Variants in PCBP3 observed in about 807,000 individuals in gnomAD.
The protein encoded by PCBP3 is poly(rC)-binding protein 3.
PCBP3 carries 25 observed loss-of-function variants against 52.7 expected under a neutral mutation model. The observed-to-expected ratio is 0.47, with a 90% CI of 0.35 to 0.66. The LOEUF (loss-of-function observed/expected upper bound fraction) is 0.66, where lower values mean the gene tolerates loss of function less well. Among genes scored for constraint, PCBP3 ranks in the 30% least tolerant of loss-of-function variants. The pLI is 0.01. For missense variants in PCBP3, 391 were observed against 490.3 expected (o/e 0.80, Z 1.91); for synonymous variants, 162 against 183.0 (o/e 0.89, Z 0.93).
intron 2 of PCBP3, among the ~76,000 whole-genome samples, chr21:45,679,835 A>G (rs1451068014): frequency 6.6e-6 from 1 of 152,202 alleles, no homozygotes; most frequent in African/African-American, 2.4e-5. Context: ...TTTACATTTT[A>G]TATTTGAGTG....
chr21:45,881,291 A>G (rs185557141), intron 5 of PCBP3, among the ~76,000 whole-genome samples: 8 of 152,304 alleles, frequency 5.3e-5, no homozygotes, highest in Admixed American at 3.9e-4. Context: ...CTTGTGGTAT[A>G]TTGCTGAATT....
chr21:45,815,098 TGAGTGGTGAGTGGTG>T (rs2092852591), intron 4 of PCBP3, among the ~76,000 whole-genome samples: 1 of 256 alleles, frequency 3.9e-3, no homozygotes, highest in Non-Finnish European at 0.011. Context: ...GAGTGATGAG[TGAGTGGTGAGTGGTG>T]AGTGAGTGGT....
intron 2 of PCBP3, among the ~76,000 whole-genome samples, chr21:45,683,509 CAG>C (rs966150435): frequency 1.3e-5 from 2 of 152,110 alleles, no homozygotes; most frequent in Admixed American, 6.5e-5. Flanking sequence ...TGGATTGTAA[CAG>C]GAGATCATAG....
chr21:45,700,811 G>A (rs1325911180), intron 2 of PCBP3, among the ~76,000 whole-genome samples: 3 of 152,156 alleles, frequency 2.0e-5, no homozygotes, highest in Non-Finnish European at 4.4e-5. Context: ...TCTGTAGAGA[G>A]CTGCTGTGGC....
At chr21:45,681,733 T>C (rs1486547492) in intron 2 of PCBP3, among the ~76,000 whole-genome samples, 1 of 152,202 alleles carries the variant, frequency 6.6e-6, no homozygotes. Context: ...ATGTCTTTTT[T>C]GGTTTTGGTG....
At chr21:45,747,509 C>T (rs573166343) in intron 3 of PCBP3, among the ~76,000 whole-genome samples, 5 of 152,324 alleles carry the variant, frequency 3.3e-5, no homozygotes, top group South Asian at 2.1e-4. Flanking sequence ...GACAGTGGGG[C>T]GGTTCCAGCC....
chr21:45,740,411 G>A (rs1478665665), intron 3 of PCBP3, among the ~76,000 whole-genome samples: 1 of 152,206 alleles, frequency 6.6e-6, no homozygotes, highest in Non-Finnish European at 1.5e-5. Context: ...AGCCAGATTG[G>A]CAAATTGATT....
intron 2 of PCBP3, among the ~76,000 whole-genome samples, chr21:45,686,834 A>G (rs1432408897): frequency 6.6e-6 from 1 of 152,162 alleles, no homozygotes; most frequent in Non-Finnish European, 1.5e-5. Flanking sequence ...AGAAATAGAA[A>G]AGACCCAAAC....
chr21:45,767,721 G>A lies in PCBP3; in HGVS notation c.-126+12269G>A, dbSNP rs148337830. Among the ~76,000 whole-genome samples, 198 of 152,344 alleles carry A rather than the reference G, an allele frequency of 1.3e-3. 1 individual carries two copies. Among genetic ancestry groups the A allele is most frequent in the Non-Finnish European group, 2.4e-3 (160 of 68,026 alleles). ...CTTGCTCAGGATAGGACAGACCTTC[G>A]TGGTGAGGCAGCTCTGTGCTGGCCA... is the stretch of plus-strand genomic sequence containing the variant. On this transcript the variant is annotated intron_variant, in intron 4 of 17. Coordinates refer to ENST00000681687, the MANE Select transcript of PCBP3 (RefSeq NM_001384156.1).
At chr21:45,658,104 T>C (rs1406506645) in intron 1 of PCBP3, among the ~76,000 whole-genome samples, 3 of 152,202 alleles carry the variant, frequency 2.0e-5, no homozygotes, top group Non-Finnish European at 4.4e-5. Context: ...TGTTGAGTGT[T>C]ATTATCATGA....
chr21:45,862,683 C>T (rs1466683268), intron 5 of PCBP3, among the ~76,000 whole-genome samples: 1 of 152,258 alleles, frequency 6.6e-6, no homozygotes, highest in Non-Finnish European at 1.5e-5. Flanking sequence ...TGTCTCTGTG[C>T]CTTGTCTGGC....
chr21:45,754,283 G>T (rs918782226), intron 3 of PCBP3, among the ~76,000 whole-genome samples: 3 of 152,068 alleles, frequency 2.0e-5, no homozygotes, highest in Non-Finnish European at 4.4e-5. Flanking sequence ...CAAGTACCCA[G>T]TAAAAAAATT....
Position 45,735,797 on chromosome 21 carries a change from G to A in PCBP3, c.-162+368G>A, listed in dbSNP as rs562066422. On this transcript the variant is annotated intron_variant, in intron 3 of 17. Transcript: ENST00000681687. This position sits in a 1 kb window ranked among gnomAD's most constrained non-coding sequence, Gnocchi z 4.0. ...CACGAGCCTACCGCACAAGCCTACC[G>A]CACGCCTTTGTTCTTGTGCCAACAG... Among the ~76,000 whole-genome samples the A allele has an allele frequency of 5.3e-5, 8 of 152,316 alleles. No homozygotes were observed. The highest frequency in any genetic ancestry group is 1.7e-4 in the African/African-American group (7 of 41,572).
chr21:45,857,053 G>A (rs1041954771), intron 5 of PCBP3, among the ~76,000 whole-genome samples: 6 of 152,300 alleles, frequency 3.9e-5, no homozygotes, highest in African/African-American at 1.4e-4. Context: ...GACAGTCGAT[G>A]ACAAATGCTT....
At chr21:45,940,809 C>CCAGCCAGGCACACTGTACCACCAGCCCCG in intron 17 of PCBP3, among the ~76,000 whole-genome samples, 1 of 152,114 alleles carries the variant, frequency 6.6e-6, no homozygotes, top group Non-Finnish European at 1.5e-5. Context: ...CACCAGCCCC[C>CCAGCCAGGCACACTGTACCACCAGCCCCG]CAGCCAGGCA....
intron 1 of PCBP3, among the ~76,000 whole-genome samples, chr21:45,649,131 G>A (rs1044254280): frequency 6.6e-6 from 1 of 152,216 alleles, no homozygotes; most frequent in African/African-American, 2.4e-5. Context: ...GGCTGGGGAG[G>A]CCTCACAATG....
chr21:45,813,768 A>T (rs2092748898), intron 4 of PCBP3, among the ~76,000 whole-genome samples: 1 of 152,222 alleles, frequency 6.6e-6, no homozygotes, highest in African/African-American at 2.4e-5. Flanking sequence ...TAACAAATTT[A>T]TAATAGCTCC....
intron 4 of PCBP3, chr21:45,762,491 C>CTTGTTTTTTTTT (rs2088796361): frequency 9.6e-6 from 1 of 104,666 alleles, no homozygotes; most frequent in Admixed American, 1.1e-4. Flanking sequence ...CTTTTCTTCT[C>CTTGTTTTTTTTT]TTTTTTTTTT....
chr21:45,761,015 A>C (rs1291718547), intron 4 of PCBP3: 3 of 151,496 alleles, frequency 2.0e-5, no homozygotes, highest in Non-Finnish European at 4.4e-5. Flanking sequence ...TGAACCTGGG[A>C]GGCGGAGGTT....
Sources: gnomAD v4.1 joint callset for allele counts (sites outside exome capture counted in the v4.1 genomes callset) on GRCh38, gnomAD v4.1.1 for gene constraint, Gnocchi (gnomAD v3.1) non-coding constraint, MANE v1.5 for transcripts, NCBI Gene and HGNC (gene_info 2026-07-23, HGNC 2026-07-21) for gene names.